Variants in DHRS9 observed in about 807,000 individuals in gnomAD.
DHRS9 encodes the protein dehydrogenase/reductase SDR family member 9.
DHRS9 carries 18 observed loss-of-function variants against 26.6 expected under a neutral mutation model. The ratio of observed to expected loss-of-function variants is 0.68; its 90% CI spans 0.47 to 1.00. The LOEUF is 1.00. Ranked by LOEUF, DHRS9 falls within the 50% of genes least tolerant of loss-of-function variation. The probability of loss-of-function intolerance (pLI) is 0.00; values close to 1 mark genes in which losing one functional copy is unlikely to be tolerated. For missense variants in DHRS9, 425 were observed against 378.7 expected (o/e 1.12, Z -1.01); for synonymous variants, 134 against 141.1 (o/e 0.95, Z 0.36).
rs568654446 is a variant in DHRS9, at chr2:169,095,654, G to A, written c.847G>A (p.Ala283Thr). 101 of 1,613,922 alleles carry A rather than the reference G, an allele frequency of 6.3e-5. No homozygotes were observed. In the South Asian group the frequency reaches 7.0e-4, roughly 11 times the overall value. ...TCTCTTCCCTAAGACTCATTATGCC[G>A]CTGGAAAAGATGCCAAAATTTTCTG... ...TSLFPKTHYAAGKDAKIFWIP... is the reference protein window; with the variant it reads ...TSLFPKTHYATGKDAKIFWIP... Residue 283 changes from alanine (A) to threonine (T), a missense_variant, in exon 5 of 5, where the codon GCT becomes ACT. By Grantham distance (58) the Ala-to-Thr change is moderately conservative. Coordinates refer to ENST00000674881, the MANE Select transcript of DHRS9 (RefSeq NM_001376924.1).
In DHRS9 at chr2:169,095,970, G is replaced by A. The variant is rs1042394509; in HGVS notation, c.*203G>A. On this transcript the variant is annotated 3_prime_UTR_variant, in exon 5 of 5. Transcript: ENST00000674881. The stretch of plus-strand genomic sequence containing the variant: ...TTTCTTTGAAAAGGAGGGCTGGAAT[G>A]GTACATCACATAGGCAAGTCCTGCC... 1 of 594,640 alleles carries A rather than the reference G, an allele frequency of 1.7e-6. No homozygotes were observed. Among genetic ancestry groups the A allele is most frequent in the African/African-American group, 1.9e-5 (1 of 53,600 alleles). 36.8% of individuals were successfully genotyped at this position (594,640 alleles called of 1,614,324 possible).
At chr2:169,067,907 A>G (rs2105273813), upstream of DHRS9, among the ~76,000 whole-genome samples, 1 of 152,310 alleles carries the variant, frequency 6.6e-6, no homozygotes, top group East Asian at 1.9e-4. Context: ...GCCCACAGGA[A>G]TTGAGGGACA....
chr2:169,087,874 A>G (rs1395674158), intron 3 of DHRS9, among the ~76,000 whole-genome samples: 1 of 152,124 alleles, frequency 6.6e-6, no homozygotes, highest in Admixed American at 6.5e-5. Flanking sequence ...CACAAGACAA[A>G]GTCCTCTTTA....
chr2:169,069,074 A>T (rs895746816), upstream of DHRS9, among the ~76,000 whole-genome samples: 2 of 152,052 alleles, frequency 1.3e-5, no homozygotes, highest in African/African-American at 4.8e-5. Flanking sequence ...TAAGACCCAT[A>T]AGTAATTCCA....
At chr2:169,083,676 C>T (rs1447808875) in intron 3 of DHRS9, 89 bp downstream of exon 3, 2 of 1,445,814 alleles carry the variant, frequency 1.4e-6, no homozygotes, top group African/African-American at 1.4e-5. Context: ...TAGTACCTTT[C>T]AAAAAGTCTA....
intron 1 of DHRS9, among the ~76,000 whole-genome samples, chr2:169,078,753 A>G (rs1194589127): frequency 6.6e-6 from 1 of 151,878 alleles, no homozygotes; most frequent in Non-Finnish European, 1.5e-5. Context: ...CTATACCACA[A>G]GAATCAAGTA....
chr2:169,081,002 G>A (rs1684163753), intron 1 of DHRS9: 1 of 297,536 alleles, frequency 3.4e-6, no homozygotes, highest in South Asian at 1.3e-4. Flanking sequence ...TGGAAGCCAA[G>A]TTGGGAATAT....
chr2:169,081,063 T>C (rs1284300364), intron 1 of DHRS9: 6 of 865,576 alleles, frequency 6.9e-6, no homozygotes, highest in Non-Finnish European at 6.9e-6. Flanking sequence ...TGAAGATAAT[T>C]GGGAGTCTGA....
chr2:169,067,092 C>T (rs367743066), upstream of DHRS9: 3 of 1,530,960 alleles, frequency 2.0e-6, no homozygotes, highest in African/African-American at 1.4e-5. Flanking sequence ...AGCTTATAGT[C>T]GTTCAGAGAA....
intron 3 of DHRS9, among the ~76,000 whole-genome samples, chr2:169,088,471 A>T (rs909867529): frequency 2.0e-5 from 3 of 152,184 alleles, no homozygotes; most frequent in Non-Finnish European, 4.4e-5. Flanking sequence ...AGGGACTGTG[A>T]TCACTCATCT....
rs1684686731 is a variant in DHRS9 at position 169,095,969 on chromosome 2, T to A, written c.*202T>A. 1.7e-6 allele frequency: 1 copy of A among 597,766 alleles called. No homozygotes were observed. The highest frequency in any genetic ancestry group is 3.0e-6 in the Non-Finnish European group (1 of 336,326). 37.0% of individuals were successfully genotyped at this position (597,766 alleles called of 1,614,324 possible). ...TTTTCTTTGAAAAGGAGGGCTGGAA[T>A]GGTACATCACATAGGCAAGTCCTGC... On this transcript the variant is annotated 3_prime_UTR_variant, in exon 5 of 5. Coordinates refer to ENST00000674881, the MANE Select transcript of DHRS9 (RefSeq NM_001376924.1).
Position 169,073,117 on chromosome 2 carries a change from C to T in DHRS9, c.-60+3400C>T, listed in dbSNP as rs567959215. On this transcript the variant is annotated intron_variant, in intron 1 of 4. Transcript: ENST00000674881. ...GACTTCCTTCTTTCCTTCCTTTTTT[C>T]CTTCTTTGCTGTACAACATTTACTA... Among the ~76,000 whole-genome samples, 83 of 152,170 alleles carry T rather than the reference C, an allele frequency of 5.5e-4. 2 individuals are homozygous for T. In the South Asian group the frequency reaches 0.017, roughly 31 times the overall value.
chr2:169,076,319 C>T (rs1297952280), intron 1 of DHRS9, among the ~76,000 whole-genome samples: 2 of 152,170 alleles, frequency 1.3e-5, no homozygotes, highest in East Asian at 1.9e-4. Flanking sequence ...CTCCAGCATT[C>T]GTTGAGCACT....
In DHRS9 at chr2:169,074,636, A is replaced by C. The variant is rs1683910076; in HGVS notation, c.-60+4919A>C. ...CATCAATCAGCTTTGTGTATAGGTC[A>C]TGTTCCCATGGCTCTGACCCAGGTT... On this transcript the variant is annotated intron_variant, in intron 1 of 4. Coordinates refer to ENST00000674881, the MANE Select transcript of DHRS9 (RefSeq NM_001376924.1). Among the ~76,000 whole-genome samples the C allele has an allele frequency of 2.0e-5, 3 of 152,158 alleles. No individual in the cohort carries two copies. The South Asian group carries it at 6.2e-4, about 32-fold the overall frequency.
At position 169,081,865 on chromosome 2, in the gene DHRS9, A is replaced by G; in HGVS notation, c.284A>G (p.Gln95Arg). 1.9e-6 allele frequency: 3 copies of G among 1,609,724 alleles called. No homozygotes were observed. The highest frequency in any genetic ancestry group is 2.5e-6 in the Non-Finnish European group (3 of 1,177,334). Residue 95 changes from glutamine (Q) to arginine (R), a missense_variant, in exon 2 of 5, where the codon CAG becomes CGG. By Grantham distance (43) the Gln-to-Arg change is conservative (BLOSUM62 1). Transcript: ENST00000674881. ...TDPENVKRTAQWVKNQVGEKG... is the reference protein window; with the variant it reads ...TDPENVKRTARWVKNQVGEKG... ...CCAGAGAATGTCAAGAGGACTGCCC[A>G]GTGGGTGAAGAACCAAGTTGGGGAG...
In DHRS9 at chr2:169,085,670, A is replaced by G. The variant is rs182464851; in HGVS notation, c.572+2083A>G. On this transcript the variant is annotated intron_variant, in intron 3 of 4. Transcript: ENST00000674881. ...AAATTGTTTGCTGTTGGCAATAGAA[A>G]TCTTTTTTGGATTGTTTGCTGTTAG... 6.8e-4 allele frequency among the ~76,000 whole-genome samples: 104 copies of G among 152,178 alleles called. No homozygotes were observed. The East Asian group carries it at 0.019, about 28-fold the overall frequency.
At chr2:169,068,963 C>T (rs923496334), upstream of DHRS9, among the ~76,000 whole-genome samples, 1 of 152,168 alleles carries the variant, frequency 6.6e-6, no homozygotes, top group Admixed American at 6.5e-5. Flanking sequence ...CTGACACAGA[C>T]AAACTCTGGG....
chr2:169,068,419 C>T (rs1264931946), upstream of DHRS9, among the ~76,000 whole-genome samples: 1 of 152,074 alleles, frequency 6.6e-6, no homozygotes, highest in Non-Finnish European at 1.5e-5. Flanking sequence ...ACTTGGCCTC[C>T]CAGATTCAAG....
intron 3 of DHRS9, 36 bp from the exon 4 acceptor site, chr2:169,091,754 C>A (rs767764666): frequency 2.6e-6 from 4 of 1,553,914 alleles, no homozygotes; most frequent in Middle Eastern, 1.7e-4. Context: ...TCTAAACAAA[C>A]CCGGATTAAA....
Sources: gnomAD v4.1 joint callset for allele counts (sites outside exome capture counted in the v4.1 genomes callset) on GRCh38, gnomAD v4.1.1 for gene constraint, MANE v1.5 for transcripts, NCBI Gene and HGNC (gene_info 2026-07-23, HGNC 2026-07-21) for gene names.